Variants in TMTC2 observed in about 807,000 individuals in gnomAD.
TMTC2 encodes the protein protein O-mannosyl-transferase TMTC2.
TMTC2 carries 43 observed loss-of-function variants against 82.4 expected under a neutral mutation model. The observed-to-expected ratio is 0.52, with a 90% CI of 0.41 to 0.67. The LOEUF is 0.67. Among genes scored for constraint, TMTC2 ranks in the 30% least tolerant of loss-of-function variants. The probability of loss-of-function intolerance (pLI) is 0.00; values close to 1 mark genes in which losing one functional copy is unlikely to be tolerated. For missense variants in TMTC2, 919 were observed against 1,012.4 expected, an observed-to-expected ratio of 0.91 and a Z score of 1.25; for synonymous variants, 408 against 381.9, an observed-to-expected ratio of 1.07 and a Z score of -0.80.
chr12:82,695,205 C>A (rs1490734815), intron 1 of TMTC2, among the ~76,000 whole-genome samples: 1 of 152,120 alleles, frequency 6.6e-6, no homozygotes, highest in Non-Finnish European at 1.5e-5. Flanking sequence ...ACTTGGAATT[C>A]TTTGGTTATT....
Position 83,100,334 on chromosome 12 carries a change from G to A in TMTC2, c.2332-31876G>A, listed in dbSNP as rs141574081. Reference sequence around the variant, plus strand: ...TTATTCCCCATAATACCCAATAAGGGAGGTTGGGCCACTATTTTCACAGTT... The same window carrying A: ...TTATTCCCCATAATACCCAATAAGGAAGGTTGGGCCACTATTTTCACAGTT... On this transcript the variant is annotated intron_variant, in intron 11 of 11. Transcript: ENST00000321196. 3.7e-3 allele frequency among the ~76,000 whole-genome samples: 566 copies of A among 152,190 alleles called. 8 individuals are homozygous for A. The highest frequency in any genetic ancestry group is 0.011 in the Admixed American group (175 of 15,276).
intron 1 of TMTC2, among the ~76,000 whole-genome samples, chr12:82,740,314 T>TA (rs1322872292): frequency 6.6e-6 from 1 of 152,216 alleles, no homozygotes; most frequent in Non-Finnish European, 1.5e-5. Flanking sequence ...AGCTACTATG[T>TA]AGCAGGCATT....
chr12:82,764,635 A>G (rs746079853), intron 1 of TMTC2, among the ~76,000 whole-genome samples: 15 of 152,140 alleles, frequency 9.9e-5, no homozygotes, highest in Non-Finnish European at 1.6e-4. Context: ...ATGATGAGAC[A>G]AGTCTCAATC....
At chr12:82,952,166 C>T (rs1165538620) in intron 4 of TMTC2, among the ~76,000 whole-genome samples, 1 of 151,944 alleles carries the variant, frequency 6.6e-6, no homozygotes, top group Non-Finnish European at 1.5e-5. Flanking sequence ...TCTGAGTTCA[C>T]CTCTTTCTAG....
chr12:82,933,475 G>A (rs934774040), intron 4 of TMTC2, among the ~76,000 whole-genome samples: 5 of 152,118 alleles, frequency 3.3e-5, no homozygotes, highest in African/African-American at 1.2e-4. Context: ...TTGCTCTGGT[G>A]TACAGAAGTT....
At chr12:82,838,424 C>T (rs1261817132) in intron 1 of TMTC2, among the ~76,000 whole-genome samples, 1 of 152,128 alleles carries the variant, frequency 6.6e-6, no homozygotes, top group Non-Finnish European at 1.5e-5. Flanking sequence ...GAGTGCACTC[C>T]CTACCATGAT....
chr12:83,017,003 C>T (rs1009175866), intron 8 of TMTC2, among the ~76,000 whole-genome samples: 1 of 152,300 alleles, frequency 6.6e-6, no homozygotes, highest in Non-Finnish European at 1.5e-5. Flanking sequence ...AGTAGAATTG[C>T]AGTGTGCTGT....
At chr12:82,828,702 A>T (rs1264696975) in intron 1 of TMTC2, among the ~76,000 whole-genome samples, 2 of 152,178 alleles carry the variant, frequency 1.3e-5, no homozygotes, top group Non-Finnish European at 2.9e-5. Flanking sequence ...TAGCACTCAT[A>T]CTGTTAGCAC....
chr12:82,851,557 C>T (rs1870978499), intron 1 of TMTC2, among the ~76,000 whole-genome samples: 1 of 152,132 alleles, frequency 6.6e-6, no homozygotes, highest in Non-Finnish European at 1.5e-5. Context: ...AACTAAGGTA[C>T]AGAGAGGTGA....
At chr12:82,856,647 G>T (rs976221428) in intron 1 of TMTC2, among the ~76,000 whole-genome samples, 18 of 152,248 alleles carry the variant, frequency 1.2e-4, no homozygotes, top group Middle Eastern at 3.4e-3. Context: ...TCTTAAAAAT[G>T]CAGATTCTCA....
At chr12:83,086,064 C>CT (rs112712717) in intron 11 of TMTC2, among the ~76,000 whole-genome samples, 209 of 145,116 alleles carry the variant, frequency 1.4e-3, no homozygotes, top group Admixed American at 2.3e-3. Context: ...TGATTGTTTT[C>CT]TTTTTTTTTT....
intron 3 of TMTC2, among the ~76,000 whole-genome samples, chr12:82,902,606 C>G (rs1228503921): frequency 6.6e-6 from 1 of 152,212 alleles, no homozygotes; most frequent in Non-Finnish European, 1.5e-5. Flanking sequence ...GCTTAACCAG[C>G]AGCCATGGTG....
At chr12:82,795,821 G>C (rs987695395) in intron 1 of TMTC2, among the ~76,000 whole-genome samples, 6 of 152,126 alleles carry the variant, frequency 3.9e-5, no homozygotes, top group African/African-American at 1.2e-4. Flanking sequence ...GGACTTCCTA[G>C]CTTGCAGAAG....
intron 1 of TMTC2, among the ~76,000 whole-genome samples, chr12:82,734,131 G>A (rs955166021): frequency 3.9e-5 from 6 of 152,320 alleles, no homozygotes; most frequent in Non-Finnish European, 7.3e-5. Flanking sequence ...AAGAAGGTTA[G>A]ATGAAAAGAT....
At chr12:83,067,187 A>T (rs1165230640) in intron 11 of TMTC2, among the ~76,000 whole-genome samples, 1 of 151,980 alleles carries the variant, frequency 6.6e-6, no homozygotes, top group Non-Finnish European at 1.5e-5. Context: ...GACAGAAAAA[A>T]TCCATCAACT....
chr12:82,944,237 A>G (rs182198756), intron 4 of TMTC2, among the ~76,000 whole-genome samples: 1 of 152,324 alleles, frequency 6.6e-6, no homozygotes, highest in East Asian at 1.9e-4. Context: ...AATAAATGGA[A>G]GAACCATGGG....
At chr12:82,757,103 A>G (rs1024617953) in intron 1 of TMTC2, among the ~76,000 whole-genome samples, 1 of 152,204 alleles carries the variant, frequency 6.6e-6, no homozygotes, top group Non-Finnish European at 1.5e-5. Context: ...TCTATTTAAT[A>G]GAATGTTCCT....
chr12:83,123,298 T>C (rs1885011645), intron 11 of TMTC2, among the ~76,000 whole-genome samples: 1 of 152,204 alleles, frequency 6.6e-6, no homozygotes, highest in African/African-American at 2.4e-5. Flanking sequence ...CTGATTTGTT[T>C]TATTCAAAGC....
In TMTC2 at chr12:82,871,782, TCTC is replaced by T. The variant is rs201147117; in HGVS notation, c.654+14206_654+14208del. ...TTTAGAGTCGGTGTCCATTTTTTTTTCTCCTCAATGCTGCTCATGTGAGGAGAA... is the reference window on the plus strand; with the variant it reads ...TTTAGAGTCGGTGTCCATTTTTTTTTCTCAATGCTGCTCATGTGAGGAGAA... On this transcript the variant is annotated intron_variant, in intron 2 of 11. Transcript: ENST00000321196. Among the ~76,000 whole-genome samples, 1,189 of 151,944 alleles carry T rather than the reference TCTC, an allele frequency of 7.8e-3. 9 individuals are homozygous for T. The highest frequency in any genetic ancestry group is 0.012 in the Non-Finnish European group (815 of 67,978).
Sources: gnomAD v4.1 joint callset for allele counts (sites outside exome capture counted in the v4.1 genomes callset) on GRCh38, gnomAD v4.1.1 for gene constraint, MANE v1.5 for transcripts, NCBI Gene and HGNC (gene_info 2026-07-23, HGNC 2026-07-21) for gene names.